The following IQANK1 variants were observed in gnomAD, a reference collection of about 807,000 sequenced individuals.
IQANK1 encodes IQ motif and ankyrin repeat containing 1.
Under a neutral mutation model 22.6 loss-of-function variants are expected in IQANK1, and 30 were observed. That is an observed-to-expected ratio of 1.33 (90% CI 0.99 to 1.80). The LOEUF (loss-of-function observed/expected upper bound fraction) is 1.80. IQANK1 is among the 40% of genes most tolerant of loss of function. The pLI is 0.00. For missense variants in IQANK1, 275 were observed against 235.2 expected (o/e 1.17, Z -1.11); for synonymous variants, 122 against 99.6 (o/e 1.23, Z -1.34).
chr8:143,763,666 C>T (rs1819435420), intron 3 of IQANK1, among the ~76,000 whole-genome samples: 1 of 152,232 alleles, frequency 6.6e-6, no homozygotes, highest in Admixed American at 6.5e-5. Flanking sequence ...TTACCTTCTA[C>T]CATGAGTAAA....
intron 7 of IQANK1, among the ~76,000 whole-genome samples, chr8:143,788,275 C>T (rs770674190): frequency 2.0e-4 from 31 of 152,374 alleles, no homozygotes; most frequent in Non-Finnish European, 2.1e-4. Context: ...TGAGCTCCTG[C>T]TCTTCCTTCC....
intron 3 of IQANK1, among the ~76,000 whole-genome samples, chr8:143,740,170 C>T (rs2129770010): frequency 6.6e-6 from 1 of 152,202 alleles, no homozygotes; most frequent in East Asian, 1.9e-4. Context: ...CGCTCTCGCC[C>T]ACCTCCTGGT....
intron 3 of IQANK1, chr8:143,743,973 A>G: frequency 8.7e-6 from 3 of 345,072 alleles, no homozygotes; most frequent in South Asian, 6.4e-5. Context: ...AGCTGGGACT[A>G]CAGGCACCCA....
rs1003695904 is a variant in IQANK1 at position 143,789,387 on chromosome 8, C to T, written c.994-49C>T. 26 of 1,039,360 alleles carry T rather than the reference C, an allele frequency of 2.5e-5. No homozygotes were observed. In the African/African-American group the frequency reaches 2.6e-4, roughly 11 times the overall value. The allele number at this position is 1,039,360 out of a possible 1,614,324, so 64.4% of individuals were successfully genotyped here. A position where few individuals can be genotyped will look rare whatever the true frequency, so the allele number is the denominator to read the frequency against. On this transcript the variant is annotated intron_variant, in intron 9 of 13. Coordinates refer to ENST00000527139, the MANE Select transcript of IQANK1 (RefSeq NM_001381874.1). The stretch of plus-strand genomic sequence containing the variant: ...GCCCCTGGGCCAGGAGTGACCTGGT[C>T]GGAGGATACTGGCCAGCCTTGCCAG...
intron 3 of IQANK1, among the ~76,000 whole-genome samples, chr8:143,761,295 C>T (rs1338529831): frequency 6.6e-6 from 1 of 152,210 alleles, no homozygotes; most frequent in Non-Finnish European, 1.5e-5. Flanking sequence ...CTGGGAGTCC[C>T]GGAGACGCCC....
intron 3 of IQANK1, among the ~76,000 whole-genome samples, chr8:143,748,586 A>G (rs1199861459): frequency 7.5e-6 from 1 of 134,150 alleles, no homozygotes; most frequent in Non-Finnish European, 1.5e-5. Context: ...ATATAAATAT[A>G]GATATGATAT....
intron 7 of IQANK1, among the ~76,000 whole-genome samples, chr8:143,773,027 C>A (rs1305927873): frequency 2.0e-5 from 3 of 152,156 alleles, no homozygotes; most frequent in Non-Finnish European, 4.4e-5. Flanking sequence ...GCTGTCTGGC[C>A]GGGCGTGATG....
chr8:143,787,940 A>G (rs7003115), intron 7 of IQANK1, among the ~76,000 whole-genome samples: 141,692 of 152,078 alleles, frequency 0.93, 66,039 homozygotes, highest in East Asian at 0.97. Flanking sequence ...TGGTTGTGGC[A>G]CCCACCTTCA....
At position 143,789,260 on chromosome 8, in the gene IQANK1, G is replaced by A. The variant is rs1819963339; in HGVS notation, c.993+17G>A. ...CACAAGGAGGTGAGTGTGACCTCAGGGAGGAGCCAGGAAAGGAGGAGGGAG... is the reference window on the plus strand; with the variant it reads ...CACAAGGAGGTGAGTGTGACCTCAGAGAGGAGCCAGGAAAGGAGGAGGGAG... On this transcript the variant is annotated intron_variant, in intron 9 of 13. Coordinates refer to ENST00000527139, the MANE Select transcript of IQANK1 (RefSeq NM_001381874.1). 1.0e-5 allele frequency: 4 copies of A among 401,008 alleles called. No individual in the cohort carries two copies. The South Asian group carries it at 3.8e-4, about 38-fold the overall frequency. 24.8% of individuals were successfully genotyped at this position (401,008 alleles called of 1,614,324 possible).
chr8:143,742,888 T>A (rs1554626786), intron 3 of IQANK1: 1 of 455,952 alleles, frequency 2.2e-6, no homozygotes, highest in East Asian at 7.0e-5. Context: ...AAGCACGGGG[T>A]CTTTCTTGCT....
intron 3 of IQANK1, among the ~76,000 whole-genome samples, chr8:143,755,520 T>A (rs1443662938): frequency 6.6e-6 from 1 of 152,076 alleles, no homozygotes; most frequent in African/African-American, 2.4e-5. Context: ...CCTGCCACCA[T>A]GCCAGGCTAA....
intron 7 of IQANK1, among the ~76,000 whole-genome samples, chr8:143,785,358 G>A (rs1554631240): frequency 6.8e-6 from 1 of 146,332 alleles, no homozygotes; most frequent in Non-Finnish European, 1.5e-5. Context: ...CCAGGTTCAA[G>A]CGATTCTCAT....
intron 3 of IQANK1, chr8:143,744,177 G>A (rs6998832): frequency 5.1e-4 from 87 of 170,552 alleles, no homozygotes; most frequent in Non-Finnish European, 8.8e-4. Flanking sequence ...GGATCTCCCC[G>A]GGTAATCTGG....
In IQANK1 at chr8:143,774,855, C is replaced by T. The variant is rs900165701; in HGVS notation, c.789+2373C>T. Reference sequence around the variant, plus strand: ...CACACATGATCCATGCAACAACTAGCAACGTGGAGAAACCGGAAGGGAGCT... The same window carrying T: ...CACACATGATCCATGCAACAACTAGTAACGTGGAGAAACCGGAAGGGAGCT... On this transcript the variant is annotated intron_variant, in intron 7 of 13. Coordinates refer to ENST00000527139, the MANE Select transcript of IQANK1 (RefSeq NM_001381874.1). This position sits in a 1 kb window ranked among gnomAD's most constrained non-coding sequence, Gnocchi z 4.2. Among the ~76,000 whole-genome samples, 2 of 152,138 alleles carry T rather than the reference C, an allele frequency of 1.3e-5. No individual in the cohort carries two copies. Among genetic ancestry groups the T allele is most frequent in the Admixed American group, 6.5e-5 (1 of 15,276 alleles).
At chr8:143,743,131 C>T (rs782022132) in intron 3 of IQANK1, 12 of 428,892 alleles carry the variant, frequency 2.8e-5, no homozygotes, top group African/African-American at 8.1e-5. Context: ...GCCAGGCTGA[C>T]GTCGAGGAAA....
intron 7 of IQANK1, among the ~76,000 whole-genome samples, chr8:143,777,940 A>G (rs1554630601): frequency 6.6e-6 from 1 of 152,160 alleles, no homozygotes; most frequent in Admixed American, 6.5e-5. Context: ...CACGCCTGTA[A>G]TCCCAGCACT....
In IQANK1 at chr8:143,752,744, G is replaced by A. The variant is rs115425984; in HGVS notation, c.175+12796G>A. ...CATGCTGTACATATTTGTAGCCTTG[G>A]AGCAATAAGTTATATACCATATAGT... On this transcript the variant is annotated intron_variant, in intron 3 of 13. Transcript: ENST00000527139. 6.9e-3 allele frequency among the ~76,000 whole-genome samples: 1,049 copies of A among 152,186 alleles called. 18 individuals carry two copies. The highest frequency in any genetic ancestry group is 0.024 in the African/African-American group (984 of 41,504).
At chr8:143,748,589 TATG>T (rs1331967900) in intron 3 of IQANK1, among the ~76,000 whole-genome samples, 10 of 123,654 alleles carry the variant, frequency 8.1e-5, no homozygotes, top group South Asian at 2.3e-4. Flanking sequence ...TAAATATAGA[TATG>T]ATATATATCA....
At chr8:143,738,049 G>A (rs1818790739) in intron 2 of IQANK1, among the ~76,000 whole-genome samples, 1 of 152,182 alleles carries the variant, frequency 6.6e-6, no homozygotes, top group Non-Finnish European at 1.5e-5. Context: ...CCACCCTGGG[G>A]TGTCCCTGAG....
Sources: gnomAD v4.1 joint callset for allele counts (sites outside exome capture counted in the v4.1 genomes callset) on GRCh38, gnomAD v4.1.1 for gene constraint, Gnocchi (gnomAD v3.1) non-coding constraint, MANE v1.5 for transcripts, NCBI Gene and HGNC (gene_info 2026-07-23, HGNC 2026-07-21) for gene names.